Variants in RASSF4 observed in about 807,000 individuals in gnomAD.
The protein encoded by RASSF4 is Ras association domain family member 4.
In RASSF4, 38 loss-of-function variants were observed where a neutral mutation model predicts 41.1. The ratio of observed to expected loss-of-function variants is 0.92; its 90% CI spans 0.71 to 1.21. The LOEUF is 1.21. RASSF4 is among the 50% of genes most tolerant of loss of function. The pLI, the probability that RASSF4 is intolerant of heterozygous loss-of-function variation, is 0.00. For missense variants in RASSF4, 414 were observed against 419.4 expected (o/e 0.99, Z 0.11); for synonymous variants, 179 against 163.4 (o/e 1.10, Z -0.73).
At chr10:44,984,235 C>T in intron 5 of RASSF4, 122 bp downstream of exon 5, 1 of 941,002 alleles carries the variant, frequency 1.1e-6, no homozygotes, top group South Asian at 1.7e-5. Flanking sequence ...GGGGCTTCAC[C>T]TGCTGGACCC....
chr10:44,980,728 C>G (rs1263296414), intron 3 of RASSF4, among the ~76,000 whole-genome samples: 1 of 152,204 alleles, frequency 6.6e-6, no homozygotes, highest in African/African-American at 2.4e-5. Context: ...GCTCCATCTT[C>G]CTCTGCCTGG....
intron 6 of RASSF4, among the ~76,000 whole-genome samples, chr10:44,987,836 A>G (rs1841976790): frequency 6.6e-6 from 1 of 152,180 alleles, no homozygotes; most frequent in African/African-American, 2.4e-5. Context: ...ACTACAGTAT[A>G]GTATAAACAT....
In RASSF4 at chr10:44,961,706, G is replaced by A. The variant is rs544188704; in HGVS notation, c.-39+1840G>A. Among the ~76,000 whole-genome samples the A allele has an allele frequency of 5.3e-4, 80 of 152,314 alleles. 1 individual carries two copies. In the South Asian group the frequency reaches 0.012, roughly 23 times the overall value. ...CTCATTCGTCTTCACAGAAGTCATC[G>A]AGGATTATAGTTATTTAATTGATGA... On this transcript the variant is annotated intron_variant, in intron 1 of 10. Transcript: ENST00000340258.
At chr10:44,966,168 T>G (rs753824938) in intron 1 of RASSF4, among the ~76,000 whole-genome samples, 19 of 152,164 alleles carry the variant, frequency 1.2e-4, no homozygotes, top group Non-Finnish European at 2.8e-4. Flanking sequence ...ATGGGAAAAT[T>G]AAGGCCCAGA....
Position 44,993,384 on chromosome 10 carries a change from C to A in RASSF4, c.*55C>A. The stretch of plus-strand genomic sequence containing the variant: ...CCAGCAGTGGCAGGTGTACACTGAG[C>A]CCTGGTTGCTGGCCCCGGCCGGTCA... On this transcript the variant is annotated 3_prime_UTR_variant, in exon 11 of 11. Coordinates refer to ENST00000340258, the MANE Select transcript of RASSF4 (RefSeq NM_032023.4). 6.9e-7 allele frequency: 1 copy of A among 1,448,272 alleles called. No homozygotes were observed. The highest frequency in any genetic ancestry group is 9.4e-7 in the Non-Finnish European group (1 of 1,058,766). The allele number at this position is 1,448,272 out of a possible 1,614,324, so 89.7% of individuals were successfully genotyped here. A position where few individuals can be genotyped will look rare whatever the true frequency, so the allele number is the denominator to read the frequency against.
At position 44,993,400 on chromosome 10, in the gene RASSF4, C is replaced by A. The variant is rs1232854165; in HGVS notation, c.*71C>A. 6 of 1,279,124 alleles carry A rather than the reference C, an allele frequency of 4.7e-6. No individual in the cohort carries two copies. The African/African-American group carries it at 7.3e-5, about 16-fold the overall frequency. The allele number at this position is 1,279,124 out of a possible 1,614,324, so 79.2% of individuals were successfully genotyped here. On this transcript the variant is annotated 3_prime_UTR_variant, in exon 11 of 11. Coordinates refer to ENST00000340258, the MANE Select transcript of RASSF4 (RefSeq NM_032023.4). ...TACACTGAGCCCTGGTTGCTGGCCC[C>A]GGCCGGTCACATTGACTGATGGCCA...
Position 44,990,994 on chromosome 10 carries a change from C to A in RASSF4, c.732C>A (p.Ile244=). 6.2e-7 allele frequency: 1 copy of A among 1,613,698 alleles called. No homozygotes were observed. Among genetic ancestry groups the A allele is most frequent in the Non-Finnish European group, 8.5e-7 (1 of 1,179,626 alleles). Residue 244 remains isoleucine, a synonymous_variant, in exon 9 of 11, where the codon ATC becomes ATA. Transcript: ENST00000340258. The part of the protein sequence containing the change: ...KDCEYPLISR[I]LHGPCEKIAR... Reference sequence around the variant, plus strand: ...GCGAGTACCCGCTGATTTCCAGAATCCTGCATGGGCCATGTGAGAAGATCG... The same window carrying A: ...GCGAGTACCCGCTGATTTCCAGAATACTGCATGGGCCATGTGAGAAGATCG...
intron 3 of RASSF4, among the ~76,000 whole-genome samples, chr10:44,979,381 G>A (rs1841604826): frequency 6.6e-6 from 1 of 152,328 alleles, no homozygotes; most frequent in African/African-American, 2.4e-5. Flanking sequence ...AGTGTGTGCT[G>A]TGAATGCACT....
intron 8 of RASSF4, 70 bp downstream of exon 8, chr10:44,989,791 A>T (rs1842045462): frequency 7.5e-7 from 1 of 1,340,364 alleles, no homozygotes; most frequent in African/African-American, 1.4e-5. Context: ...CCCCCTCCCC[A>T]CCAACCACTG....
At chr10:44,983,779 C>G (rs1841810206) in intron 4 of RASSF4, 1 of 583,524 alleles carries the variant, frequency 1.7e-6, no homozygotes. Flanking sequence ...GCGATGCAGC[C>G]CAGCACAAGC....
At chr10:44,972,403 TCAAAC>T in intron 3 of RASSF4, among the ~76,000 whole-genome samples, 1 of 152,356 alleles carries the variant, frequency 6.6e-6, no homozygotes, top group East Asian at 1.9e-4. Flanking sequence ...GCCCATCAGA[TCAAAC>T]CATCCCTACT....
At chr10:44,971,655 G>T (rs546661428) in intron 2 of RASSF4, 118 bp from the exon 3 acceptor site, 2 of 831,352 alleles carry the variant, frequency 2.4e-6, no homozygotes, top group South Asian at 1.3e-5. Flanking sequence ...CCTGGCCGGC[G>T]AGAAGGGTGC....
chr10:44,975,067 T>C (rs1588811260), intron 3 of RASSF4, among the ~76,000 whole-genome samples: 1 of 152,034 alleles, frequency 6.6e-6, no homozygotes, highest in Admixed American at 6.5e-5. Context: ...TTCTGGGGAC[T>C]GTGTGCCGGC....
chr10:44,975,170 A>AC (rs1029989994), intron 3 of RASSF4, among the ~76,000 whole-genome samples: 2 of 151,918 alleles, frequency 1.3e-5, no homozygotes, highest in African/African-American at 4.8e-5. Context: ...CGGCCCAGGG[A>AC]CCCCTCAGCA....
intron 3 of RASSF4, 123 bp downstream of exon 3, chr10:44,971,971 C>A: frequency 1.5e-6 from 1 of 665,562 alleles, no homozygotes; most frequent in Non-Finnish European, 2.6e-6. Context: ...CTAGTTTGGA[C>A]AATAAGTTAT....
chr10:44,992,587 T>TC (rs1842156994), intron 10 of RASSF4, among the ~76,000 whole-genome samples: 1 of 151,864 alleles, frequency 6.6e-6, no homozygotes, highest in Non-Finnish European at 1.5e-5. Context: ...CAATGACGTC[T>TC]CCCCCTCAGC....
chr10:44,975,606 G>A (rs1841390095), intron 3 of RASSF4, among the ~76,000 whole-genome samples: 1 of 132,060 alleles, frequency 7.6e-6, no homozygotes, highest in Admixed American at 7.8e-5. Context: ...CACCCCAGTG[G>A]CAAGAAGGAA....
At chr10:44,988,901 G>A (rs1042544678) in intron 6 of RASSF4, among the ~76,000 whole-genome samples, 1 of 152,176 alleles carries the variant, frequency 6.6e-6, no homozygotes, top group Non-Finnish European at 1.5e-5. Context: ...TGAAGAGGAG[G>A]AGACAGATTG....
intron 1 of RASSF4, among the ~76,000 whole-genome samples, chr10:44,968,051 G>C (rs1402683932): frequency 6.6e-6 from 1 of 152,232 alleles, no homozygotes; most frequent in African/African-American, 2.4e-5. Flanking sequence ...CCAGGGCTTA[G>C]AGCAGGAAGT....
Sources: allele counts gnomAD v4.1 joint callset (sites outside exome capture counted in the v4.1 genomes callset), GRCh38; gene constraint gnomAD v4.1.1; transcripts MANE v1.5; gene names NCBI Gene and HGNC (gene_info 2026-07-23, HGNC 2026-07-21).